GPR137C: variants seen among roughly 807,000 people sequenced by gnomAD.
The protein encoded by GPR137C is integral membrane protein GPR137C.
A neutral mutation model predicts 43.4 loss-of-function variants in GPR137C; 27 were observed. The ratio of observed to expected loss-of-function variants is 0.62; its 90% CI spans 0.46 to 0.86. The LOEUF (loss-of-function observed/expected upper bound fraction) is 0.86, where lower values mean the gene tolerates loss of function less well. Among genes scored for constraint, GPR137C ranks in the 40% least tolerant of loss-of-function variants. GPR137C has a pLI of 0.00. For missense variants in GPR137C, 522 were observed against 534.6 expected (o/e 0.98, Z 0.23); for synonymous variants, 285 against 226.9 (o/e 1.26, Z -2.30).
At chr14:52,619,838 T>C (rs577772052) in intron 3 of GPR137C, among the ~76,000 whole-genome samples, 11 of 152,164 alleles carry the variant, frequency 7.2e-5, no homozygotes, top group Non-Finnish European at 1.5e-4. Flanking sequence ...GACATGTTTT[T>C]AAATTTATTA....
intron 1 of GPR137C, chr14:52,597,077 A>G (rs913692648): frequency 4.9e-5 from 21 of 427,534 alleles, no homozygotes; most frequent in Non-Finnish European, 9.6e-5. Context: ...ACAGGCATCT[A>G]TCTTTGCCTG....
At chr14:52,597,639 C>T (rs1056641877) in intron 1 of GPR137C, among the ~76,000 whole-genome samples, 1 of 152,130 alleles carries the variant, frequency 6.6e-6, no homozygotes, top group African/African-American at 2.4e-5. Context: ...ATTTAAAGTT[C>T]ACCAGTAAGG....
At chr14:52,559,383 A>G (rs1250573369) in intron 1 of GPR137C, among the ~76,000 whole-genome samples, 3 of 151,076 alleles carry the variant, frequency 2.0e-5, no homozygotes, top group Non-Finnish European at 4.4e-5. Flanking sequence ...TCCATCTCAA[A>G]AACAAAAACA....
intron 1 of GPR137C, among the ~76,000 whole-genome samples, chr14:52,595,517 C>G (rs550751319): frequency 6.6e-6 from 1 of 152,064 alleles, no homozygotes; most frequent in Admixed American, 6.5e-5. Flanking sequence ...TTTTTCATTT[C>G]TTTTTACTCT....
At chr14:52,578,458 T>A (rs1171362924) in intron 1 of GPR137C, among the ~76,000 whole-genome samples, 2 of 152,156 alleles carry the variant, frequency 1.3e-5, no homozygotes, top group Non-Finnish European at 2.9e-5. Flanking sequence ...TTCCATAAGC[T>A]CCTTTTTATT....
intron 3 of GPR137C, among the ~76,000 whole-genome samples, chr14:52,615,213 C>T (rs1316709170): frequency 6.6e-6 from 1 of 152,102 alleles, no homozygotes; most frequent in East Asian, 1.9e-4. Context: ...AAGAAACTAC[C>T]TTTTCCCCAG....
Position 52,553,029 on chromosome 14 carries a change from C to T in GPR137C, c.-119C>T. 2.5e-6 allele frequency: 1 copy of T among 405,836 alleles called. No individual in the cohort carries two copies. Among genetic ancestry groups the T allele is most frequent in the Non-Finnish European group, 3.5e-6 (1 of 287,798 alleles). 25.1% of individuals were successfully genotyped at this position (405,836 alleles called of 1,614,324 possible). A position where few individuals can be genotyped will look rare whatever the true frequency, so the allele number is the denominator to read the frequency against. On this transcript the variant is annotated 5_prime_UTR_variant, in exon 1 of 7. Transcript: ENST00000321662. Reference sequence around the variant, plus strand: ...GACTCCGGGTCCCGTCACGGCGCTTCCTGGGGTTAGAGGCTGGGGTGGGTG... The same window carrying T: ...GACTCCGGGTCCCGTCACGGCGCTTTCTGGGGTTAGAGGCTGGGGTGGGTG...
At chr14:52,620,071 A>G (rs2039142905) in intron 3 of GPR137C, among the ~76,000 whole-genome samples, 1 of 152,136 alleles carries the variant, frequency 6.6e-6, no homozygotes, top group Non-Finnish European at 1.5e-5. Flanking sequence ...AACCACTTAG[A>G]AGAAGAAAAT....
chr14:52,627,235 A>T (rs2039238340), intron 3 of GPR137C, among the ~76,000 whole-genome samples: 1 of 152,016 alleles, frequency 6.6e-6, no homozygotes, highest in African/African-American at 2.4e-5. Context: ...TCTACAAAAA[A>T]TTTTAAAATT....
chr14:52,567,794 G>A (rs2038395893), intron 1 of GPR137C, among the ~76,000 whole-genome samples: 1 of 151,804 alleles, frequency 6.6e-6, no homozygotes, highest in South Asian at 2.1e-4. Flanking sequence ...CGAGTAGCTG[G>A]GATTACAGGT....
chr14:52,615,465 G>A (rs2039088169), intron 3 of GPR137C, among the ~76,000 whole-genome samples: 1 of 94,770 alleles, frequency 1.1e-5, no homozygotes, highest in Admixed American at 1.1e-4. Context: ...ATACATTTTA[G>A]GGTTTTTTTT....
At chr14:52,581,559 A>G (rs936894503) in intron 1 of GPR137C, among the ~76,000 whole-genome samples, 1 of 152,084 alleles carries the variant, frequency 6.6e-6, no homozygotes, top group Non-Finnish European at 1.5e-5. Flanking sequence ...AAGAAAGTGA[A>G]CATTGAGGAA....
At chr14:52,571,459 A>G (rs10150961) in intron 1 of GPR137C, among the ~76,000 whole-genome samples, 68,543 of 151,906 alleles carry the variant, frequency 0.45, 15,632 homozygotes, top group East Asian at 0.54. Flanking sequence ...TGGATCATGA[A>G]GTCAGGAGTT....
rs778803373 is a variant in GPR137C, at chr14:52,633,818, T to G, written c.994-10T>G. 1 of 1,590,096 alleles carries G rather than the reference T, an allele frequency of 6.3e-7. No homozygotes were observed. Among genetic ancestry groups the G allele is most frequent in the South Asian group, 1.1e-5 (1 of 90,374 alleles). On this transcript the variant is annotated splice_polypyrimidine_tract_variant and intron_variant, in intron 5 of 6. Coordinates refer to ENST00000321662, the MANE Select transcript of GPR137C (RefSeq NM_001099652.2). ...AAACCTTCATATGCTATCTAATACTTTGTTCACAGGCACCTGCTGGCATGA... is the reference window on the plus strand; with the variant it reads ...AAACCTTCATATGCTATCTAATACTGTGTTCACAGGCACCTGCTGGCATGA...
At position 52,635,162 on chromosome 14, in the gene GPR137C, A is replaced by G. The variant is rs756180629; in HGVS notation, c.*47A>G. 1 of 1,407,068 alleles carries G rather than the reference A, an allele frequency of 7.1e-7. No individual in the cohort carries two copies. Among genetic ancestry groups the G allele is most frequent in the Non-Finnish European group, 9.5e-7 (1 of 1,047,330 alleles). The allele number at this position is 1,407,068 out of a possible 1,614,324, so 87.2% of individuals were successfully genotyped here. A position where few individuals can be genotyped will look rare whatever the true frequency, so the allele number is the denominator to read the frequency against. ...CTTGAGTTGTTTTTCATAAATGTGT[A>G]TATTCAATGTGTTTAAATTCCATCT... is the stretch of plus-strand genomic sequence containing the variant. On this transcript the variant is annotated 3_prime_UTR_variant, in exon 7 of 7. Transcript: ENST00000321662.
intron 1 of GPR137C, among the ~76,000 whole-genome samples, chr14:52,565,509 A>G (rs1353778448): frequency 4.6e-5 from 7 of 152,152 alleles, no homozygotes; most frequent in Admixed American, 3.9e-4. Flanking sequence ...GCTTTGCCCC[A>G]CTATACTACA....
intron 1 of GPR137C, among the ~76,000 whole-genome samples, chr14:52,577,051 G>T (rs931338516): frequency 9.2e-6 from 1 of 108,596 alleles, no homozygotes; most frequent in Non-Finnish European, 1.8e-5. Flanking sequence ...CTAGCCAGGC[G>T]TGGTGCTGTA....
At chr14:52,628,872 A>G (rs907911630) in intron 3 of GPR137C, among the ~76,000 whole-genome samples, 1 of 152,220 alleles carries the variant, frequency 6.6e-6, no homozygotes, top group Non-Finnish European at 1.5e-5. Context: ...CTTAAAGAAA[A>G]TGTTTGCGAT....
chr14:52,589,321 AC>A (rs1429303521), intron 1 of GPR137C, among the ~76,000 whole-genome samples: 1 of 152,216 alleles, frequency 6.6e-6, no homozygotes, highest in African/African-American at 2.4e-5. Flanking sequence ...TGATGGTTGC[AC>A]AACATTGTGA....
Sources: allele counts gnomAD v4.1 joint callset (sites outside exome capture counted in the v4.1 genomes callset), GRCh38; gene constraint gnomAD v4.1.1; transcripts MANE v1.5; gene names NCBI Gene and HGNC (gene_info 2026-07-23, HGNC 2026-07-21).